MAML1: variants seen among roughly 807,000 people sequenced by gnomAD.
MAML1 encodes mastermind-like protein 1.
A neutral mutation model predicts 77.1 loss-of-function variants in MAML1; 14 were observed. The observed-to-expected ratio is 0.18, with a 90% CI of 0.12 to 0.28. MAML1 has a LOEUF of 0.28. Ranked by LOEUF, MAML1 falls within the 10% of genes least tolerant of loss-of-function variation. The pLI is 1.00. For missense variants in MAML1, 1,217 were observed against 1,327.8 expected, an observed-to-expected ratio of 0.92 and a Z score of 1.30; for synonymous variants, 516 against 551.9, an observed-to-expected ratio of 0.93 and a Z score of 0.91.
chr5:179,775,737 A>G lies in MAML1; in HGVS notation c.*860A>G, dbSNP rs761625852. On this transcript the variant is annotated 3_prime_UTR_variant, in exon 5 of 5. Coordinates refer to ENST00000292599, the MANE Select transcript of MAML1 (RefSeq NM_014757.5). The stretch of plus-strand genomic sequence containing the variant: ...CTTCTGCAGTTTTCTCTGAACATGT[A>G]TGTTGCCCATGGTGGGAGCGTGGTC... 15 of 985,428 alleles carry G rather than the reference A, an allele frequency of 1.5e-5. No individual in the cohort carries two copies. The highest frequency in any genetic ancestry group is 1.7e-5 in the Non-Finnish European group (14 of 829,960). The allele number at this position is 985,428 out of a possible 1,614,324, so 61.0% of individuals were successfully genotyped here.
At chr5:179,756,497 AT>A (rs1562562990) in intron 1 of MAML1, among the ~76,000 whole-genome samples, 1 of 151,922 alleles carries the variant, frequency 6.6e-6, no homozygotes, top group African/African-American at 2.4e-5. Context: ...CCTGAAAGAC[AT>A]TCAGTTTAAG....
At chr5:179,749,743 G>A (rs1779451111) in intron 1 of MAML1, among the ~76,000 whole-genome samples, 1 of 152,160 alleles carries the variant, frequency 6.6e-6, no homozygotes, top group African/African-American at 2.4e-5. Context: ...TCCTAGGGTG[G>A]CGGCTCTGCA....
Position 179,771,152 on chromosome 5 carries a change from G to A in MAML1, c.1977G>A (p.Lys659=). 1 of 1,613,874 alleles carries A rather than the reference G, an allele frequency of 6.2e-7. No individual in the cohort carries two copies. Among genetic ancestry groups the A allele is most frequent in the Non-Finnish European group, 8.5e-7 (1 of 1,179,802 alleles). The change falls in exon 4 of 5, where the codon AAG becomes AAA. Residue 659 remains lysine (K), a synonymous_variant. Transcript: ENST00000292599. The surrounding 1 kb of genome is among the most constrained non-coding windows in gnomAD (Gnocchi z 4.7). ...RQQHLLAEQE[K]QQFQRHLTRP... ...TTGTTCTTGGCATTTTCTAGGAGAAGCAACAGTTTCAGCGCCATCTGACCC... is the reference window on the plus strand; with the variant it reads ...TTGTTCTTGGCATTTTCTAGGAGAAACAACAGTTTCAGCGCCATCTGACCC...
rs144671895 is a variant in MAML1, at chr5:179,773,918, A to G, written c.2092A>G (p.Met698Val). Residue 698 changes from methionine to valine, a missense_variant, in exon 5 of 5, where the codon ATG becomes GTG. Met to Val is a conservative substitution (Grantham distance 21). This residue lies in a region of MAML1 where 884 missense variants were observed against 949.3 expected (regional missense o/e 0.93). Transcript: ENST00000292599. ...FTGSSAAVPG[M>V]NTLGPSNSSC... ...AGGGTCCTCTGCTGCCGTGCCCGGCATGAACACCTTGGGTCCATCCAACTC... is the reference window on the plus strand; with the variant it reads ...AGGGTCCTCTGCTGCCGTGCCCGGCGTGAACACCTTGGGTCCATCCAACTC... 3.3e-5 allele frequency: 53 copies of G among 1,613,648 alleles called. No homozygotes were observed. The African/African-American group carries it at 5.6e-4, about 17-fold the overall frequency.
chr5:179,766,116 A>T lies in MAML1; in HGVS notation c.1106A>T (p.Gln369Leu). ...PSPNLMPASA[Q>L]AQNAQRALAG... ...CCAAACCTGATGCCGGCATCAGCCC[A>T]GGCCCAGAACGCACAAAGAGCCCTT... The change falls in exon 2 of 5, where the codon CAG becomes CTG. Residue 369 changes from glutamine to leucine, a missense_variant. Coordinates refer to ENST00000292599, the MANE Select transcript of MAML1 (RefSeq NM_014757.5). This position sits in a 1 kb window ranked among gnomAD's most constrained non-coding sequence, Gnocchi z 4.0. 6.3e-7 allele frequency: 1 copy of T among 1,577,674 alleles called. No individual in the cohort carries two copies. Among genetic ancestry groups the T allele is most frequent in the Non-Finnish European group, 8.6e-7 (1 of 1,163,154 alleles).
chr5:179,756,664 C>T (rs917024805), intron 1 of MAML1, among the ~76,000 whole-genome samples: 4 of 151,930 alleles, frequency 2.6e-5, no homozygotes, highest in East Asian at 1.9e-4. Context: ...TGTTTTATAG[C>T]GGTCACACGG....
intron 1 of MAML1, among the ~76,000 whole-genome samples, chr5:179,737,824 C>T (rs543702727): frequency 2.0e-5 from 3 of 152,082 alleles, no homozygotes; most frequent in Non-Finnish European, 2.9e-5. Context: ...TTCCTTTTTT[C>T]TTGAAACAGG....
intron 1 of MAML1, among the ~76,000 whole-genome samples, chr5:179,736,830 G>T (rs1470501580): frequency 6.6e-6 from 1 of 151,882 alleles, no homozygotes; most frequent in African/African-American, 2.4e-5. Context: ...GGCATGTGGC[G>T]TGCGCCTGTG....
intron 1 of MAML1, among the ~76,000 whole-genome samples, chr5:179,744,461 C>T (rs1055524139): frequency 1.3e-5 from 2 of 152,086 alleles, no homozygotes; most frequent in Non-Finnish European, 2.9e-5. Flanking sequence ...GCTGGGATTA[C>T]AAGCGTGAGC....
intron 1 of MAML1, among the ~76,000 whole-genome samples, chr5:179,756,294 G>C (rs958242593): frequency 1.3e-5 from 2 of 151,518 alleles, no homozygotes; most frequent in African/African-American, 4.8e-5. Flanking sequence ...GTGTGGTGGC[G>C]GGCGCCTGTG....
Position 179,769,262 on chromosome 5 carries a change from CAG to C in MAML1, c.1971+174_1971+175del, listed in dbSNP as rs932371856. On this transcript the variant is annotated intron_variant, in intron 3 of 4. Transcript: ENST00000292599. The surrounding 1 kb of genome is among the most constrained non-coding windows in gnomAD (Gnocchi z 4.2). ...TTCCAGGAATGTGGCATTTCTCAGA[CAG>C]GGGTAGTCTTGTCAGAAGCTGCTTC... Among the ~76,000 whole-genome samples the C allele has an allele frequency of 5.3e-5, 8 of 152,160 alleles. No individual in the cohort carries two copies. Among genetic ancestry groups the C allele is most frequent in the African/African-American group, 9.7e-5 (4 of 41,434 alleles).
At chr5:179,768,709 C>G (rs1057032201) in intron 2 of MAML1, 141 bp from the exon 3 acceptor site, 19 of 1,078,618 alleles carry the variant, frequency 1.8e-5, no homozygotes, top group Non-Finnish European at 1.9e-5. Context: ...TGTGCTCCAG[C>G]CCTGTGGGAT....
chr5:179,752,598 CTTTTTTTTTTT>C (rs1172970221), intron 1 of MAML1, among the ~76,000 whole-genome samples: 16 of 71,830 alleles, frequency 2.2e-4, no homozygotes, highest in South Asian at 9.5e-4. Context: ...ATTAGATACT[CTTTTTTTTTTT>C]TTTTTTTTTT....
intron 1 of MAML1, among the ~76,000 whole-genome samples, chr5:179,744,833 G>T (rs11747643): frequency 0.77 from 117,569 of 152,102 alleles, 46,322 homozygotes; most frequent in Non-Finnish European, 0.85. Flanking sequence ...TAAGATTCTG[G>T]TACATCTATT....
chr5:179,748,622 C>T (rs946459370), intron 1 of MAML1, among the ~76,000 whole-genome samples: 11 of 152,146 alleles, frequency 7.2e-5, no homozygotes, highest in African/African-American at 2.2e-4. Flanking sequence ...TGGGAAGTGA[C>T]CTATAAAATA....
At chr5:179,752,851 G>A (rs1251077613) in intron 1 of MAML1, among the ~76,000 whole-genome samples, 2 of 151,972 alleles carry the variant, frequency 1.3e-5, no homozygotes, top group Admixed American at 6.6e-5. Flanking sequence ...TCGGCTCACC[G>A]CAACCACCAT....
chr5:179,765,858 C>T lies in MAML1; in HGVS notation c.848C>T (p.Ser283Phe). 1 of 1,614,160 alleles carries T rather than the reference C, an allele frequency of 6.2e-7. No homozygotes were observed. Among genetic ancestry groups the T allele is most frequent in the African/African-American group, 1.3e-5 (1 of 75,040 alleles). The change falls in exon 2 of 5, where the codon TCT becomes TTT. Residue 283 changes from serine (S) to phenylalanine (F), a missense_variant. Around this residue, in one of 3 missense-constraint regions of MAML1, gnomAD observed 884 missense variants for 949.3 expected, o/e 0.93. Transcript: ENST00000292599. ...TTCGAGGAGAAGAAGGACCCAGAGT[C>T]TTCTGGCTCTGCCACACAAACCCCC... ...EDFEEKKDPE[S>F]SGSATQTPLA... is the part of the protein sequence containing the mutation.
chr5:179,752,498 A>AGCAAATTTAAAGTT (rs1378905976), intron 1 of MAML1, among the ~76,000 whole-genome samples: 2 of 33,672 alleles, frequency 5.9e-5, no homozygotes, highest in East Asian at 1.6e-3. Flanking sequence ...ATGTGCTACT[A>AGCAAATTTAAAGTT]GCAAATTTTG....
intron 1 of MAML1, among the ~76,000 whole-genome samples, chr5:179,736,982 G>A (rs1025250769): frequency 6.6e-6 from 1 of 150,978 alleles, no homozygotes; most frequent in Non-Finnish European, 1.5e-5. Context: ...AAAAAAAAAA[G>A]GTATATTAGT....
Sources: allele counts gnomAD v4.1 joint callset (sites outside exome capture counted in the v4.1 genomes callset), GRCh38; gene constraint gnomAD v4.1.1; regional missense constraint gnomAD v4.1.1; non-coding constraint Gnocchi (gnomAD v3.1); transcripts MANE v1.5; gene names NCBI Gene and HGNC (gene_info 2026-07-23, HGNC 2026-07-21).